The following TRIM33 variants were observed in gnomAD, a reference collection of about 807,000 sequenced individuals.
The protein encoded by TRIM33 is E3 ubiquitin-protein ligase TRIM33.
In TRIM33, 20 loss-of-function variants were observed where a neutral mutation model predicts 125.4. That is an observed-to-expected ratio of 0.16 (90% CI 0.11 to 0.23). The LOEUF (loss-of-function observed/expected upper bound fraction) is 0.23, where lower values mean the gene tolerates loss of function less well. Among genes scored for constraint, TRIM33 ranks in the 10% least tolerant of loss-of-function variants. TRIM33 has a pLI of 1.00. For missense variants in TRIM33, 920 were observed against 1,411.4 expected, an observed-to-expected ratio of 0.65 and a Z score of 5.58; for synonymous variants, 564 against 513.9, an observed-to-expected ratio of 1.10 and a Z score of -1.32.
intron 17 of TRIM33, among the ~76,000 whole-genome samples, chr1:114,400,538 T>G (rs1458387893): frequency 6.6e-6 from 1 of 152,140 alleles, no homozygotes; most frequent in Non-Finnish European, 1.5e-5. Context: ...AAAGAAAACA[T>G]TTGAAAGTCA....
In TRIM33 at chr1:114,427,429, A is replaced by G. The variant is rs573773522; in HGVS notation, c.1303-135T>C. The G allele has an allele frequency of 8.5e-6, 5 of 588,516 alleles. No homozygotes were observed. The African/African-American group carries it at 9.3e-5, about 11-fold the overall frequency. 36.5% of individuals were successfully genotyped at this position (588,516 alleles called of 1,614,324 possible). A position where few individuals can be genotyped will look rare whatever the true frequency, so the allele number is the denominator to read the frequency against. On this transcript the variant is annotated intron_variant, in intron 7 of 19. Coordinates refer to ENST00000358465, the MANE Select transcript of TRIM33 (RefSeq NM_015906.4). Reference sequence around the variant, plus strand: ...CAGATTAGGCAGCATCAACATTTAAATTAGCAATCAAATCAAATATACATA... The same window carrying G: ...CAGATTAGGCAGCATCAACATTTAAGTTAGCAATCAAATCAAATATACATA...
chr1:114,485,815 T>G (rs1225621086), intron 1 of TRIM33, among the ~76,000 whole-genome samples: 1 of 152,170 alleles, frequency 6.6e-6, no homozygotes, highest in African/African-American at 2.4e-5. Context: ...TCTCAGAATG[T>G]GATATCCAAA....
chr1:114,450,684 T>C (rs1165197074), intron 4 of TRIM33, among the ~76,000 whole-genome samples: 1 of 152,184 alleles, frequency 6.6e-6, no homozygotes, highest in Non-Finnish European at 1.5e-5. Context: ...TGAGCCACCA[T>C]GTCTGGCCTA....
chr1:114,399,111 G>A (rs1352162594), intron 18 of TRIM33, among the ~76,000 whole-genome samples: 2 of 151,920 alleles, frequency 1.3e-5, no homozygotes. Flanking sequence ...GCAAGGACAT[G>A]GGTACAGATA....
At chr1:114,413,094 T>C (rs1385274831) in intron 11 of TRIM33, among the ~76,000 whole-genome samples, 4 of 152,224 alleles carry the variant, frequency 2.6e-5, no homozygotes, top group Non-Finnish European at 5.9e-5. Flanking sequence ...TAACTTGCAT[T>C]TTCCTAATAA....
intron 1 of TRIM33, among the ~76,000 whole-genome samples, chr1:114,486,924 T>G (rs1232245717): frequency 1.3e-5 from 2 of 151,772 alleles, no homozygotes; most frequent in African/African-American, 4.8e-5. Context: ...CTATCTCTAC[T>G]AAAAATACAA....
chr1:114,399,958 A>T (rs1052520771), intron 17 of TRIM33, among the ~76,000 whole-genome samples: 1 of 152,054 alleles, frequency 6.6e-6, no homozygotes, highest in Non-Finnish European at 1.5e-5. Flanking sequence ...AAAGAAAAAA[A>T]TTTACAAAAT....
intron 4 of TRIM33, 53 bp downstream of exon 4, chr1:114,463,051 C>T: frequency 6.3e-6 from 9 of 1,434,074 alleles, no homozygotes; most frequent in Non-Finnish European, 8.4e-6. Flanking sequence ...AGAAGAATGA[C>T]TTTACAAGCA....
intron 1 of TRIM33, among the ~76,000 whole-genome samples, chr1:114,478,113 G>A (rs1044153737): frequency 2.0e-5 from 3 of 152,166 alleles, no homozygotes; most frequent in African/African-American, 7.2e-5. Flanking sequence ...CATGCAAAAT[G>A]AGACACACTT....
chr1:114,430,683 C>T (rs1041565066), intron 6 of TRIM33, 115 bp downstream of exon 6: 8 of 682,590 alleles, frequency 1.2e-5, no homozygotes, highest in Admixed American at 8.2e-5. Context: ...CCTTATTTTA[C>T]GTTTTCCTTT....
At chr1:114,476,707 T>C (rs1419143379) in intron 1 of TRIM33, among the ~76,000 whole-genome samples, 1 of 152,130 alleles carries the variant, frequency 6.6e-6, no homozygotes, top group Non-Finnish European at 1.5e-5. Context: ...AAATACTCCA[T>C]GTAACTCTAA....
In TRIM33 at chr1:114,510,987, G is replaced by T; in HGVS notation, c.90C>A (p.Ala30=). Residue 30 remains alanine (A), a synonymous_variant, in exon 1 of 20, where the codon GCC becomes GCA. Transcript: ENST00000358465. The stretch of plus-strand genomic sequence containing the variant: ...TGAGAGGCGGCTCCGCCTCCTGCGC[G>T]GCGGGCCCGGCGGCCCCGGCAGTTA... ...APVTAGAAGP[A]AQEAEPPLTA... 2 of 1,335,508 alleles carry T rather than the reference G, an allele frequency of 1.5e-6. No homozygotes were observed. 82.7% of individuals were successfully genotyped at this position (1,335,508 alleles called of 1,614,324 possible). A position where few individuals can be genotyped will look rare whatever the true frequency, so the allele number is the denominator to read the frequency against.
intron 4 of TRIM33, among the ~76,000 whole-genome samples, chr1:114,443,299 G>A (rs533420921): frequency 9.9e-5 from 15 of 152,176 alleles, no homozygotes; most frequent in African/African-American, 2.2e-4. Context: ...TGGGAGAATC[G>A]CTTGAACTCA....
chr1:114,480,476 T>TAAAAAAAAA (rs61241613), intron 1 of TRIM33, among the ~76,000 whole-genome samples: 1 of 77,872 alleles, frequency 1.3e-5, no homozygotes. Context: ...ATGATCAATT[T>TAAAAAAAAA]AAAAAAAAAA....
intron 1 of TRIM33, among the ~76,000 whole-genome samples, chr1:114,465,763 C>A (rs550380094): frequency 2.0e-5 from 3 of 151,862 alleles, no homozygotes; most frequent in East Asian, 3.9e-4. Context: ...TAAAAAGAGC[C>A]GGGCGCGGTG....
chr1:114,486,327 A>C (rs935498706), intron 1 of TRIM33, among the ~76,000 whole-genome samples: 1 of 151,986 alleles, frequency 6.6e-6, no homozygotes, highest in Non-Finnish European at 1.5e-5. Context: ...AAAAGAAATG[A>C]AAGTTATAGA....
Position 114,436,813 on chromosome 1 carries a change from T to C in TRIM33, c.924-3080A>G, listed in dbSNP as rs114369972. On this transcript the variant is annotated intron_variant, in intron 4 of 19. Transcript: ENST00000358465. ...TGTTAGATAGGGGACCCGAAGTTTG[T>C]TCCTTCGTGAAAGAGCAACATTTGA... is the stretch of plus-strand genomic sequence containing the variant. 8.8e-3 allele frequency among the ~76,000 whole-genome samples: 1,336 copies of C among 152,300 alleles called. 15 individuals are homozygous for C. The highest frequency in any genetic ancestry group is 0.03 in the African/African-American group (1,244 of 41,562).
intron 10 of TRIM33, among the ~76,000 whole-genome samples, chr1:114,422,744 T>C (rs887882121): frequency 4.6e-5 from 7 of 151,986 alleles, no homozygotes; most frequent in African/African-American, 1.4e-4. Flanking sequence ...AACCTTCAAA[T>C]GGGTTCGAAT....
At chr1:114,483,653 T>C (rs1651490071) in intron 1 of TRIM33, among the ~76,000 whole-genome samples, 1 of 151,920 alleles carries the variant, frequency 6.6e-6, no homozygotes, top group African/African-American at 2.4e-5. Context: ...GCTCAGGCAA[T>C]CCACCCGCCT....
Sources: allele counts gnomAD v4.1 joint callset (sites outside exome capture counted in the v4.1 genomes callset), GRCh38; gene constraint gnomAD v4.1.1; transcripts MANE v1.5; gene names NCBI Gene and HGNC (gene_info 2026-07-23, HGNC 2026-07-21).